GREB1L: variants seen among roughly 807,000 people sequenced by gnomAD.
The protein encoded by GREB1L is GREB1-like protein.
A neutral mutation model predicts 200.8 loss-of-function variants in GREB1L; 17 were observed. The ratio of observed to expected loss-of-function variants is 0.08; its 90% CI spans 0.06 to 0.13. The LOEUF (loss-of-function observed/expected upper bound fraction) is 0.13. GREB1L is among the 10% of genes least tolerant of loss of function. The pLI, the probability that GREB1L is intolerant of heterozygous loss-of-function variation, is 1.00. For synonymous variants in GREB1L, 789 were observed against 893.0 expected (o/e 0.88, Z 2.08); for missense variants, 1,657 against 2,367.7 (o/e 0.70, Z 6.23).
chr18:21,433,051 C>T (rs1378755450), intron 7 of GREB1L, among the ~76,000 whole-genome samples: 1 of 152,142 alleles, frequency 6.6e-6, no homozygotes. Context: ...AAGTAAACCA[C>T]CACCATGACC....
chr18:21,259,613 G>A (rs1340912086), intron 1 of GREB1L, among the ~76,000 whole-genome samples: 1 of 151,954 alleles, frequency 6.6e-6, no homozygotes, highest in Non-Finnish European at 1.5e-5. Flanking sequence ...ATGTAAAGGT[G>A]TTTTTTGTCC....
intron 14 of GREB1L, chr18:21,452,538 CAAAAAACCG>C (rs2034575596): frequency 4.3e-6 from 1 of 233,806 alleles, no homozygotes; most frequent in Non-Finnish European, 8.2e-6. Context: ...CAGAGGACTT[CAAAAAACCG>C]TCTGAAAGAG....
chr18:21,283,289 T>C (rs1196508264), intron 1 of GREB1L, among the ~76,000 whole-genome samples: 3 of 152,202 alleles, frequency 2.0e-5, no homozygotes, highest in Non-Finnish European at 4.4e-5. Flanking sequence ...TCAGATATAC[T>C]GATCCAAAAG....
chr18:21,353,015 A>G (rs1354585133), intron 1 of GREB1L, among the ~76,000 whole-genome samples: 1 of 151,944 alleles, frequency 6.6e-6, no homozygotes, highest in Non-Finnish European at 1.5e-5. Context: ...CCCCGTCTCT[A>G]CTGAAAATAC....
At chr18:21,265,315 A>T (rs2144172144) in intron 1 of GREB1L, among the ~76,000 whole-genome samples, 1 of 152,308 alleles carries the variant, frequency 6.6e-6, no homozygotes, top group African/African-American at 2.4e-5. Flanking sequence ...ATCAGTAAAG[A>T]ATGTATCTTA....
chr18:21,508,718 A>T, intron 27 of GREB1L, 127 bp downstream of exon 27: 2 of 680,146 alleles, frequency 2.9e-6, no homozygotes, highest in Non-Finnish European at 2.4e-6. Flanking sequence ...CTCTTCGGAA[A>T]AAAAAAAAAA....
intron 2 of GREB1L, among the ~76,000 whole-genome samples, chr18:21,378,582 C>T (rs961521183): frequency 2.0e-5 from 3 of 152,080 alleles, no homozygotes; most frequent in Admixed American, 2.0e-4. Flanking sequence ...GCCATGTTGG[C>T]CAGGCTGGTC....
chr18:21,431,230 G>A (rs983776606), intron 7 of GREB1L, among the ~76,000 whole-genome samples: 2 of 151,708 alleles, frequency 1.3e-5, no homozygotes, highest in African/African-American at 4.8e-5. Context: ...TTGCCACATT[G>A]GCCAGACTGG....
At position 21,524,676 on chromosome 18, in the gene GREB1L, G is replaced by A. The variant is rs1484916682; in HGVS notation, c.*1855G>A. ...TACCTGGGGTGGATGGCCTCTCAGG[G>A]TTTCTTCTGGCTTTATGACTTCATA... On this transcript the variant is annotated 3_prime_UTR_variant, in exon 33 of 33. Transcript: ENST00000424526. 2 of 152,042 alleles carry A rather than the reference G, an allele frequency of 1.3e-5. No homozygotes were observed. The highest frequency in any genetic ancestry group is 4.1e-4 in the South Asian group (2 of 4,824). 9.4% of individuals were successfully genotyped at this position (152,042 alleles called of 1,614,324 possible). A position where few individuals can be genotyped will look rare whatever the true frequency, so the allele number is the denominator to read the frequency against.
intron 1 of GREB1L, among the ~76,000 whole-genome samples, chr18:21,314,632 A>G (rs2038840828): frequency 6.6e-6 from 1 of 152,172 alleles, no homozygotes; most frequent in Non-Finnish European, 1.5e-5. Flanking sequence ...TTTTGTGACA[A>G]TTTTAGATCA....
At chr18:21,364,782 G>A (rs547107114) in intron 1 of GREB1L, among the ~76,000 whole-genome samples, 1 of 151,718 alleles carries the variant, frequency 6.6e-6, no homozygotes, top group African/African-American at 2.4e-5. Context: ...TGTGCAGCAC[G>A]TGGCCAAAAA....
intron 15 of GREB1L, among the ~76,000 whole-genome samples, chr18:21,461,317 C>T (rs893743478): frequency 6.6e-6 from 1 of 152,044 alleles, no homozygotes; most frequent in Non-Finnish European, 1.5e-5. Flanking sequence ...ACTTTTTTCT[C>T]TCTGGGGTCT....
chr18:21,488,445 G>A (rs1598916117), intron 18 of GREB1L, among the ~76,000 whole-genome samples: 1 of 152,322 alleles, frequency 6.6e-6, no homozygotes, highest in South Asian at 2.1e-4. Context: ...TGCAAGGCCA[G>A]TGGACCACTT....
intron 14 of GREB1L, among the ~76,000 whole-genome samples, chr18:21,452,902 G>A (rs1292062755): frequency 6.6e-6 from 1 of 152,164 alleles, no homozygotes; most frequent in African/African-American, 2.4e-5. Context: ...CCACTTGATA[G>A]GAATGTATCA....
chr18:21,482,493 A>G (rs1235409927), intron 17 of GREB1L, among the ~76,000 whole-genome samples: 8 of 152,152 alleles, frequency 5.3e-5, no homozygotes, highest in Non-Finnish European at 1.2e-4. Context: ...TCCTGACCTC[A>G]AGTGATCTGC....
chr18:21,439,047 T>C (rs1403184075), intron 7 of GREB1L, among the ~76,000 whole-genome samples: 1 of 151,716 alleles, frequency 6.6e-6, no homozygotes, highest in Non-Finnish European at 1.5e-5. Context: ...ATGGGTTTGC[T>C]TCAAAATAAT....
chr18:21,367,959 A>T (rs1042739972), intron 2 of GREB1L, among the ~76,000 whole-genome samples: 2 of 152,200 alleles, frequency 1.3e-5, no homozygotes, highest in Admixed American at 1.3e-4. Context: ...CAGGTTATGA[A>T]AGGAGACTGT....
chr18:21,421,834 AT>A (rs930123012), intron 7 of GREB1L, among the ~76,000 whole-genome samples: 1 of 152,124 alleles, frequency 6.6e-6, no homozygotes. Context: ...GTTTTGGAAG[AT>A]TTTTTCCCCC....
chr18:21,454,675 A>G, intron 15 of GREB1L, 112 bp downstream of exon 15: 1 of 824,364 alleles, frequency 1.2e-6, no homozygotes, highest in Non-Finnish European at 2.0e-6. Context: ...CTTCTTCAGT[A>G]ATAAAAATCA....
Sources: gnomAD v4.1 joint callset for allele counts (sites outside exome capture counted in the v4.1 genomes callset) on GRCh38, gnomAD v4.1.1 for gene constraint, MANE v1.5 for transcripts, NCBI Gene and HGNC (gene_info 2026-07-23, HGNC 2026-07-21) for gene names.